Variants in FMN1 observed in about 807,000 individuals in gnomAD.
The protein encoded by FMN1 is formin 1, also known as formin-1.
FMN1 carries 110 observed loss-of-function variants against 132.4 expected under a neutral mutation model. That is an observed-to-expected ratio of 0.83 (90% CI 0.71 to 0.97). FMN1 has a LOEUF of 0.97. Ranked by LOEUF, FMN1 falls within the 50% of genes least tolerant of loss-of-function variation. FMN1 has a pLI of 0.00. For synonymous variants in FMN1, 722 were observed against 651.7 expected (o/e 1.11, Z -1.64); for missense variants, 1,792 against 1,705.3 (o/e 1.05, Z -0.90).
rs556358168 is a variant in FMN1 at position 33,120,616 on chromosome 15, G to A, written c.1868-31642C>T. On this transcript the variant is annotated intron_variant, in intron 4 of 20. Coordinates refer to ENST00000616417, the MANE Select transcript of FMN1 (RefSeq NM_001277313.2). ...ACGTAGTGATACCAAGATACTGTTC[G>A]GCAGCTTTTGTTGTCTTTTCGTGTT... Among the ~76,000 whole-genome samples, 171 of 32,664 alleles carry A rather than the reference G, an allele frequency of 5.2e-3. 1 individual carries two copies. The highest frequency in any genetic ancestry group is 0.014 in the South Asian group (6 of 418). The allele number at this position is 32,664 out of a possible 152,430, so 21.4% of individuals were successfully genotyped here.
chr15:32,967,049 G>T (rs79773860), intron 8 of FMN1, among the ~76,000 whole-genome samples: 3 of 152,156 alleles, frequency 2.0e-5, no homozygotes, highest in African/African-American at 7.2e-5. Flanking sequence ...GTTCAAATGC[G>T]CACCAAGCAG....
At chr15:33,037,987 C>T (rs534088722) in intron 6 of FMN1, among the ~76,000 whole-genome samples, 30 of 152,310 alleles carry the variant, frequency 2.0e-4, no homozygotes, top group Non-Finnish European at 3.4e-4. Context: ...CCTTGGGAGG[C>T]CAAGGCAGGC....
At chr15:33,103,312 C>T (rs548217099) in intron 4 of FMN1, among the ~76,000 whole-genome samples, 1 of 152,194 alleles carries the variant, frequency 6.6e-6, no homozygotes, top group East Asian at 1.9e-4. Flanking sequence ...TTTGTTTAAC[C>T]TCTCTATGTC....
rs1166893081 is a variant in FMN1, at chr15:32,769,789, T to A, written c.*4521A>T. ...ATGAGGTCAAAGTAGCAGACATGAA[T>A]GAAAGTTCACTTCTTTATTCTCTCC... On this transcript the variant is annotated 3_prime_UTR_variant, in exon 21 of 21. Transcript: ENST00000616417. 1 of 152,206 alleles carries A rather than the reference T, an allele frequency of 6.6e-6. No homozygotes were observed. The highest frequency in any genetic ancestry group is 1.5e-5 in the Non-Finnish European group (1 of 68,028). 9.4% of individuals were successfully genotyped at this position (152,206 alleles called of 1,614,324 possible).
rs1366377653 is a variant in FMN1 at position 32,798,785 on chromosome 15, ATCT to A, written c.4130+16_4130+18del. 9 of 1,602,956 alleles carry A rather than the reference ATCT, an allele frequency of 5.6e-6. No homozygotes were observed. Among genetic ancestry groups the A allele is most frequent in the African/African-American group, 2.7e-5 (2 of 74,570 alleles). ...CTAGGCTCCTGAAGGAGGCATTAAA[ATCT>A]TTTTTTGAACCTTACCTTTCTTTAG... On this transcript the variant is annotated intron_variant, in intron 19 of 20. Coordinates refer to ENST00000616417, the MANE Select transcript of FMN1 (RefSeq NM_001277313.2).
At chr15:33,032,640 T>C (rs999886622) in intron 6 of FMN1, among the ~76,000 whole-genome samples, 1 of 152,234 alleles carries the variant, frequency 6.6e-6, no homozygotes, top group African/African-American at 2.4e-5. Context: ...AAATAACTTA[T>C]ACAAAGTATT....
chr15:32,968,130 AG>A (rs1406888158), intron 8 of FMN1, among the ~76,000 whole-genome samples: 2 of 152,248 alleles, frequency 1.3e-5, no homozygotes, highest in African/African-American at 4.8e-5. Flanking sequence ...CAAGACATAA[AG>A]GAAGATGTGA....
chr15:32,946,409 A>AT (rs2061512902), intron 9 of FMN1, among the ~76,000 whole-genome samples: 1 of 152,182 alleles, frequency 6.6e-6, no homozygotes, highest in South Asian at 2.1e-4. Context: ...TGTAACACAC[A>AT]TGGTAGATGA....
rs775937152 is a variant in FMN1, at chr15:33,194,601, TC to T, written c.-373del. On this transcript the variant is annotated 5_prime_UTR_variant, in exon 1 of 21. Transcript: ENST00000616417. ...ACCTGACCAATACTCGGGAGGCTGG[TC>T]CCGAGTCCCAGCTACTCGGGAGGCT... 6.6e-6 allele frequency: 1 copy of T among 152,134 alleles called. No individual in the cohort carries two copies. Among genetic ancestry groups the T allele is most frequent in the Non-Finnish European group, 1.5e-5 (1 of 68,122 alleles). 9.4% of individuals were successfully genotyped at this position (152,134 alleles called of 1,614,324 possible).
intron 9 of FMN1, among the ~76,000 whole-genome samples, chr15:32,950,281 T>C (rs1483806492): frequency 6.6e-6 from 1 of 151,444 alleles, no homozygotes; most frequent in Non-Finnish European, 1.5e-5. Context: ...AATGTGGCAA[T>C]TCCTCAAAGA....
intron 6 of FMN1, among the ~76,000 whole-genome samples, chr15:33,030,290 G>A (rs2035875930): frequency 6.6e-6 from 1 of 152,220 alleles, no homozygotes; most frequent in Non-Finnish European, 1.5e-5. Flanking sequence ...AATTTGGAAT[G>A]GGTTATCCCA....
intron 6 of FMN1, among the ~76,000 whole-genome samples, chr15:33,018,813 G>A (rs910568570): frequency 3.3e-5 from 5 of 152,164 alleles, no homozygotes; most frequent in Non-Finnish European, 5.9e-5. Flanking sequence ...GCTGGCTTCA[G>A]TGAATCTGCA....
intron 6 of FMN1, among the ~76,000 whole-genome samples, chr15:33,052,880 TAA>T (rs2037042766): frequency 5.3e-5 from 8 of 152,150 alleles, no homozygotes; most frequent in Non-Finnish European, 7.3e-5. Flanking sequence ...GTCTTTACTT[TAA>T]CCTTTTTTGC....
chr15:33,049,631 C>A (rs993733150), intron 6 of FMN1, among the ~76,000 whole-genome samples: 1 of 152,188 alleles, frequency 6.6e-6, no homozygotes, highest in African/African-American at 2.4e-5. Context: ...TATTTAAGTT[C>A]AGCCTACAGG....
rs2036068670 is a variant in FMN1, at chr15:33,033,925, A to C, written c.2162-25850T>G. Among the ~76,000 whole-genome samples the C allele has an allele frequency of 3.3e-5, 5 of 152,058 alleles. 1 individual carries two copies. In the South Asian group the frequency reaches 1.0e-3, roughly 32 times the overall value. Reference sequence around the variant, plus strand: ...CCTCACGTAGCATTCAGAGCTCCGTAGTCTCTTAGTTCTCCTCCTGCCTCA... The same window carrying C: ...CCTCACGTAGCATTCAGAGCTCCGTCGTCTCTTAGTTCTCCTCCTGCCTCA... On this transcript the variant is annotated intron_variant, in intron 6 of 20. Coordinates refer to ENST00000616417, the MANE Select transcript of FMN1 (RefSeq NM_001277313.2).
chr15:33,059,477 T>G (rs1243587292), intron 6 of FMN1, among the ~76,000 whole-genome samples: 3 of 152,204 alleles, frequency 2.0e-5, no homozygotes, highest in Non-Finnish European at 4.4e-5. Context: ...CCATATAATT[T>G]TCCATAATGG....
intron 4 of FMN1, among the ~76,000 whole-genome samples, chr15:33,116,091 C>T (rs966919030): frequency 3.3e-5 from 5 of 152,138 alleles, no homozygotes; most frequent in Non-Finnish European, 7.4e-5. Flanking sequence ...AAAAGACATT[C>T]CTGAGTTTTA....
intron 4 of FMN1, among the ~76,000 whole-genome samples, chr15:33,103,135 T>G (rs893937725): frequency 6.6e-6 from 1 of 152,140 alleles, no homozygotes; most frequent in African/African-American, 2.4e-5. Context: ...ATACATTACA[T>G]GAACAGTTTT....
At chr15:32,898,606 G>A (rs967358895) in intron 15 of FMN1, among the ~76,000 whole-genome samples, 2 of 152,184 alleles carry the variant, frequency 1.3e-5, no homozygotes, top group Non-Finnish European at 1.5e-5. Flanking sequence ...CTCTGAAGCT[G>A]TGTTATAGTC....
Sources: allele counts gnomAD v4.1 joint callset (sites outside exome capture counted in the v4.1 genomes callset), GRCh38; gene constraint gnomAD v4.1.1; transcripts MANE v1.5; gene names NCBI Gene and HGNC (gene_info 2026-07-23, HGNC 2026-07-21).